The following PHYKPL variants were observed in gnomAD, a reference collection of about 807,000 sequenced individuals.
PHYKPL encodes 5-phosphohydroxy-L-lysine phospho-lyase.
In PHYKPL, 42 loss-of-function variants were observed where a neutral mutation model predicts 51.3. The observed-to-expected ratio is 0.82, with a 90% CI of 0.64 to 1.06. The LOEUF (loss-of-function observed/expected upper bound fraction) is 1.06. PHYKPL is among the 50% of genes least tolerant of loss of function. The pLI, the probability that PHYKPL is intolerant of heterozygous loss-of-function variation, is 0.00. For missense variants in PHYKPL, 655 were observed against 586.6 expected, an observed-to-expected ratio of 1.12 and a Z score of -1.20; for synonymous variants, 264 against 236.0, an observed-to-expected ratio of 1.12 and a Z score of -1.09.
downstream of PHYKPL, chr5:178,208,377 G>C (rs1293267504): frequency 6.6e-6 from 1 of 152,224 alleles, no homozygotes; most frequent in African/African-American, 2.4e-5. Context: ...TATTACTCCA[G>C]TGGACAGTGA....
chr5:178,224,343 C>T, intron 6 of PHYKPL, 105 bp downstream of exon 6: 1 of 1,210,994 alleles, frequency 8.3e-7, no homozygotes, highest in Non-Finnish European at 1.1e-6. Context: ...GAGGGCAGGG[C>T]CTCGTTTGGT....
intron 8 of PHYKPL, chr5:178,217,115 T>TTA (rs1759958111): frequency 6.6e-6 from 1 of 151,354 alleles, no homozygotes; most frequent in African/African-American, 2.4e-5. Context: ...GAAAATGATG[T>TTA]CTTACCAAAA....
intron 7 of PHYKPL, 102 bp from the exon 8 acceptor site, chr5:178,222,682 A>G (rs559399560): frequency 7.2e-7 from 1 of 1,394,226 alleles, no homozygotes; most frequent in East Asian, 2.4e-5. Context: ...GCCAGCAGTA[A>G]GGTGGGGACC....
At position 178,214,795 on chromosome 5, in the gene PHYKPL, C is replaced by A. The variant is rs1392084200; in HGVS notation, c.1172+1G>T. The A allele has an allele frequency of 3.7e-6, 6 of 1,613,850 alleles. No homozygotes were observed. The South Asian group carries it at 5.5e-5, about 15-fold the overall frequency. On this transcript the variant is annotated splice_donor_variant, in intron 10 of 12. Transcript: ENST00000308158. LOFTEE classifies it high-confidence loss of function. ...AGCAACTTGTTTCAAGAAGAAAATACCTTGATACCAAGTAGGCAGCCTCTT... is the reference window on the plus strand; with the variant it reads ...AGCAACTTGTTTCAAGAAGAAAATAACTTGATACCAAGTAGGCAGCCTCTT...
At chr5:178,230,487 G>A (rs186544375) in intron 2 of PHYKPL, 229 of 179,864 alleles carry the variant, frequency 1.3e-3, no homozygotes, top group African/African-American at 5.0e-3. Flanking sequence ...CTCCTGAGCA[G>A]GTGGGGCTAT....
In PHYKPL at chr5:178,231,499, G is replaced by A. The variant is rs764100644; in HGVS notation, c.84C>T (p.Pro28=). The change falls in exon 2 of 13, where the codon CCC becomes CCT. Residue 28 remains proline (P), a synonymous_variant. Transcript: ENST00000308158. ...CCCGGACAATCTTAACAGGATCCTC[G>A]GGAAAAAAGAGTCTGCAGGAAGAGC... The part of the protein sequence containing the change: ...LISSSCRLFF[P]EDPVKIVRAQ... 33 of 1,613,962 alleles carry A rather than the reference G, an allele frequency of 2.0e-5. No homozygotes were observed. The African/African-American group carries it at 3.3e-4, about 16-fold the overall frequency.
chr5:178,211,186 C>CTG (rs1173983741), intron 12 of PHYKPL: 1 of 151,900 alleles, frequency 6.6e-6, no homozygotes, highest in Non-Finnish European at 1.4e-5. Flanking sequence ...GTGGGATATG[C>CTG]TGTGTGAGAC....
chr5:178,215,477 C>T, intron 8 of PHYKPL, 47 bp from the exon 9 acceptor site: 1 of 1,573,040 alleles, frequency 6.4e-7, no homozygotes, highest in Non-Finnish European at 8.6e-7. Flanking sequence ...CAGAGTGGGC[C>T]ATGCCCCAGA....
intron 2 of PHYKPL, chr5:178,230,330 G>T: frequency 3.8e-6 from 2 of 523,450 alleles, no homozygotes; most frequent in South Asian, 2.4e-5. Context: ...GAAGAACCCT[G>T]TCTAGAAAGC....
Position 178,232,346 on chromosome 5 carries a change from G to A in PHYKPL, c.59+146C>T, listed in dbSNP as rs529098076. The A allele has an allele frequency of 3.9e-6, 5 of 1,275,562 alleles. No homozygotes were observed. In the African/African-American group the frequency reaches 4.7e-5, roughly 12 times the overall value. The allele number at this position is 1,275,562 out of a possible 1,614,324, so 79.0% of individuals were successfully genotyped here. A position where few individuals can be genotyped will look rare whatever the true frequency, so the allele number is the denominator to read the frequency against. ...CGCCTCGGGCCCTAGAAGCTCCAGC[G>A]GGGCCGGGGCAGCGGCCGGACGGGA... On this transcript the variant is annotated intron_variant, in intron 1 of 12. Transcript: ENST00000308158.
chr5:178,213,172 C>T, intron 10 of PHYKPL, 69 bp from the exon 11 acceptor site: 2 of 1,582,704 alleles, frequency 1.3e-6, no homozygotes, highest in Non-Finnish European at 1.7e-6. Flanking sequence ...GCCTCATGTC[C>T]AGTGCTCCAG....
rs1371158003 is a variant in PHYKPL, at chr5:178,231,870, C to T, written c.60-347G>A. On this transcript the variant is annotated intron_variant, in intron 1 of 12. Transcript: ENST00000308158. ...GGGACTCCATAAGGCCGCGTGTCTT[C>T]GATGGGATGGGCCAGGGCACCAACA... 6.0e-6 allele frequency: 8 copies of T among 1,330,548 alleles called. No homozygotes were observed. The South Asian group carries it at 9.9e-5, about 16-fold the overall frequency. 82.4% of individuals were successfully genotyped at this position (1,330,548 alleles called of 1,614,324 possible).
chr5:178,217,889 T>C (rs957838292), intron 8 of PHYKPL, among the ~76,000 whole-genome samples: 1 of 140,850 alleles, frequency 7.1e-6, no homozygotes, highest in African/African-American at 2.6e-5. Context: ...ATTGAGATTG[T>C]CCAGTCTGAA....
intron 6 of PHYKPL, chr5:178,223,415 G>A (rs1270612287): frequency 1.1e-5 from 5 of 456,252 alleles, no homozygotes; most frequent in Non-Finnish European, 2.2e-5. Context: ...TGGCCACCAG[G>A]GTGATGATGC....
intron 4 of PHYKPL, chr5:178,224,971 G>A: frequency 1.7e-6 from 1 of 572,710 alleles, no homozygotes. Flanking sequence ...TTTCTCTGCT[G>A]TGAAATGAGG....
At chr5:178,227,919 T>C (rs1219185169) in intron 3 of PHYKPL, among the ~76,000 whole-genome samples, 1 of 152,106 alleles carries the variant, frequency 6.6e-6, no homozygotes, top group Non-Finnish European at 1.5e-5. Context: ...GAGCGTGTGG[T>C]TTCTGCCTGG....
chr5:178,216,573 AT>A (rs1258608047), intron 8 of PHYKPL: 2 of 152,208 alleles, frequency 1.3e-5, no homozygotes, highest in Non-Finnish European at 2.9e-5. Flanking sequence ...GGAGAATATG[AT>A]TTCCACAGTT....
chr5:178,229,872 G>C, intron 3 of PHYKPL, 68 bp downstream of exon 3: 1 of 1,576,512 alleles, frequency 6.3e-7, no homozygotes, highest in Non-Finnish European at 8.7e-7. Context: ...ACTACACTGG[G>C]CCCATGTGAG....
chr5:178,210,362 G>A, intron 12 of PHYKPL: 1 of 1,597,398 alleles, frequency 6.3e-7, no homozygotes, highest in Non-Finnish European at 8.5e-7. Flanking sequence ...CAGGGGCTTT[G>A]GAGTCAGACA....
Sources: gnomAD v4.1 joint callset for allele counts (sites outside exome capture counted in the v4.1 genomes callset) on GRCh38, gnomAD v4.1.1 for gene constraint, MANE v1.5 for transcripts, NCBI Gene and HGNC (gene_info 2026-07-23, HGNC 2026-07-21) for gene names.